The following MARK1 variants were observed in gnomAD, a reference collection of about 807,000 sequenced individuals.
MARK1 encodes the protein microtubule affinity regulating kinase 1.
In MARK1, 40 loss-of-function variants were observed where a neutral mutation model predicts 96.3. The observed-to-expected ratio is 0.42, with a 90% CI of 0.32 to 0.54. The LOEUF is 0.54. MARK1 is among the 20% of genes least tolerant of loss of function. The pLI, the probability that MARK1 is intolerant of heterozygous loss-of-function variation, is 0.16. For missense variants in MARK1, 719 were observed against 984.6 expected (o/e 0.73, Z 3.61); for synonymous variants, 317 against 341.2 (o/e 0.93, Z 0.78).
At chr1:220,587,680 A>G (rs981240504) in intron 3 of MARK1, among the ~76,000 whole-genome samples, 1 of 152,012 alleles carries the variant, frequency 6.6e-6, no homozygotes, top group African/African-American at 2.4e-5. Context: ...TTGTTCATTT[A>G]TTTTTTATTG....
In MARK1 at chr1:220,663,785, T is replaced by C. The variant is rs1236501439; in HGVS notation, c.*1619T>C. ...TTTTTTTTGCCTTAGCAAAGGGTGG[T>C]GTTTGAAAAAAAAAATGTGTAGCCC... On this transcript the variant is annotated 3_prime_UTR_variant, in exon 18 of 18. Coordinates refer to ENST00000366917, the MANE Select transcript of MARK1 (RefSeq NM_018650.5). The C allele has an allele frequency of 6.6e-6, 1 of 151,520 alleles. No individual in the cohort carries two copies. The highest frequency in any genetic ancestry group is 2.5e-5 in the African/African-American group (1 of 40,762). The allele number at this position is 151,520 out of a possible 1,614,324, so 9.4% of individuals were successfully genotyped here.
rs1660069123 is a variant in MARK1 at position 220,528,537 on chromosome 1, C to A, written c.-286C>A. 2.2e-6 allele frequency: 1 copy of A among 445,030 alleles called. No individual in the cohort carries two copies. Among genetic ancestry groups the A allele is most frequent in the Non-Finnish European group, 4.0e-6 (1 of 252,360 alleles). 27.6% of individuals were successfully genotyped at this position (445,030 alleles called of 1,614,324 possible). A position where few individuals can be genotyped will look rare whatever the true frequency, so the allele number is the denominator to read the frequency against. On this transcript the variant is annotated 5_prime_UTR_variant, in exon 1 of 18. Coordinates refer to ENST00000366917, the MANE Select transcript of MARK1 (RefSeq NM_018650.5). ...CCCCTTCCACGCCTCATCCTGCCAG[C>A]CTCGCCGCCCCGCCAGCGCCGGGCA... is the stretch of plus-strand genomic sequence containing the variant.
chr1:220,624,212 C>A (rs891820016), intron 9 of MARK1, among the ~76,000 whole-genome samples: 5 of 150,510 alleles, frequency 3.3e-5, no homozygotes, highest in Admixed American at 1.3e-4. Flanking sequence ...GCAGGAGAAT[C>A]ACTGGAACCT....
At chr1:220,620,538 A>G (rs1429493605) in intron 9 of MARK1, among the ~76,000 whole-genome samples, 1 of 152,188 alleles carries the variant, frequency 6.6e-6, no homozygotes, top group African/African-American at 2.4e-5. Context: ...GGGGATAGAT[A>G]TTACAGATCT....
chr1:220,657,540 T>G (rs1327693959), intron 16 of MARK1, among the ~76,000 whole-genome samples: 1 of 152,016 alleles, frequency 6.6e-6, no homozygotes, highest in Admixed American at 6.6e-5. Flanking sequence ...ATTGGAAGAT[T>G]ATGAAAAAAA....
At chr1:220,554,049 A>C (rs893937613) in intron 1 of MARK1, among the ~76,000 whole-genome samples, 2 of 152,210 alleles carry the variant, frequency 1.3e-5, no homozygotes, top group African/African-American at 4.8e-5. Flanking sequence ...TCTTAAGGGT[A>C]GAAGGGCCCA....
chr1:220,559,726 G>A (rs541734781), intron 1 of MARK1, among the ~76,000 whole-genome samples: 1 of 152,230 alleles, frequency 6.6e-6, no homozygotes, highest in Non-Finnish European at 1.5e-5. Flanking sequence ...TATGGAGGCA[G>A]TGGGTAGGCT....
At chr1:220,605,404 A>G (rs1229085405) in intron 6 of MARK1, among the ~76,000 whole-genome samples, 1 of 152,138 alleles carries the variant, frequency 6.6e-6, no homozygotes, top group African/African-American at 2.4e-5. Flanking sequence ...GTACTGTAAT[A>G]TTATTTTCTA....
In MARK1 at chr1:220,579,498, A is replaced by G. The variant is rs750059722; in HGVS notation, c.196A>G (p.Ile66Val). 282 of 1,613,986 alleles carry G rather than the reference A, an allele frequency of 1.7e-4. No individual in the cohort carries two copies. Among genetic ancestry groups the G allele is most frequent in the Middle Eastern group, 4.9e-4 (3 of 6,084 alleles). The change falls in exon 2 of 18, where the codon ATA becomes GTA. Residue 66 changes from isoleucine (I) to valine (V), a missense_variant. Ile to Val is a conservative substitution (Grantham distance 29). This residue lies in a region of MARK1 where 105 missense variants were observed against 133.4 expected (regional missense o/e 0.79). Transcript: ENST00000366917. ...HIGNYRLQKT[I>V]GKGNFAKVKL... ...TGGAAATTACCGTTTACAAAAAACA[A>G]TAGGGAAGGGAAATTTTGCCAAAGT...
chr1:220,631,195 GT>G, intron 10 of MARK1, 61 bp downstream of exon 10: 1 of 1,105,280 alleles, frequency 9.0e-7, no homozygotes, highest in Non-Finnish European at 1.4e-6. Flanking sequence ...GTCCTTTAGT[GT>G]GCCAAAATAG....
intron 6 of MARK1, among the ~76,000 whole-genome samples, chr1:220,604,751 T>C (rs1186381359): frequency 6.6e-6 from 1 of 151,976 alleles, no homozygotes; most frequent in African/African-American, 2.4e-5. Context: ...TTTTAATTTT[T>C]AGAACTGAAG....
chr1:220,624,660 A>G (rs1413787521), intron 9 of MARK1, among the ~76,000 whole-genome samples: 2 of 152,220 alleles, frequency 1.3e-5, no homozygotes, highest in East Asian at 3.8e-4. Flanking sequence ...AATAACAAAC[A>G]AATCACTTAA....
At position 220,626,685 on chromosome 1, in the gene MARK1, G is replaced by A. The variant is rs146993904; in HGVS notation, c.910-4350G>A. Among the ~76,000 whole-genome samples, 721 of 152,196 alleles carry A rather than the reference G, an allele frequency of 4.7e-3. 4 individuals are homozygous for A. Among genetic ancestry groups the A allele is most frequent in the Admixed American group, 8.9e-3 (136 of 15,280 alleles). ...AAAAATACAAAAATTAGTCAGACAT[G>A]GTGGTGCACTTCTGTAATCCCAGCT... On this transcript the variant is annotated intron_variant, in intron 9 of 17. Transcript: ENST00000366917.
chr1:220,586,242 C>G (rs959340753), intron 3 of MARK1, among the ~76,000 whole-genome samples: 5 of 152,168 alleles, frequency 3.3e-5, no homozygotes, highest in African/African-American at 1.2e-4. Context: ...CTCTCCTCTT[C>G]CCCGACTCCT....
At chr1:220,610,281 C>T (rs753944745) in intron 6 of MARK1, among the ~76,000 whole-genome samples, 9 of 152,148 alleles carry the variant, frequency 5.9e-5, no homozygotes, top group South Asian at 2.1e-4. Flanking sequence ...CTTATCTTCT[C>T]GCTTTATTTC....
chr1:220,655,264 CTCTTGG>C (rs1284177099), intron 16 of MARK1, among the ~76,000 whole-genome samples: 2 of 152,126 alleles, frequency 1.3e-5, no homozygotes, highest in Non-Finnish European at 2.9e-5. Flanking sequence ...TTTCCTTACA[CTCTTGG>C]TGATCTCAGT....
chr1:220,615,579 T>C (rs1034086534), intron 6 of MARK1, among the ~76,000 whole-genome samples: 2 of 152,152 alleles, frequency 1.3e-5, no homozygotes, highest in African/African-American at 4.8e-5. Context: ...TACTAATTCA[T>C]GTGTGCCAAA....
intron 1 of MARK1, among the ~76,000 whole-genome samples, chr1:220,557,442 C>T (rs771018130): frequency 3.9e-5 from 6 of 151,998 alleles, no homozygotes; most frequent in Admixed American, 6.6e-5. Context: ...GCCTGTAGTC[C>T]TAGCTACTCG....
intron 1 of MARK1, among the ~76,000 whole-genome samples, chr1:220,568,202 G>T (rs545363923): frequency 2.6e-5 from 4 of 152,144 alleles, no homozygotes; most frequent in African/African-American, 9.6e-5. Context: ...TCTTATGAGG[G>T]TGAGAAAACA....
Sources: allele counts gnomAD v4.1 joint callset (sites outside exome capture counted in the v4.1 genomes callset), GRCh38; gene constraint gnomAD v4.1.1; regional missense constraint gnomAD v4.1.1; transcripts MANE v1.5; gene names NCBI Gene and HGNC (gene_info 2026-07-23, HGNC 2026-07-21).